CSE1L: variants seen among roughly 807,000 people sequenced by gnomAD.
The protein encoded by CSE1L is chromosome segregation 1 like, also known as exportin-2.
In CSE1L, 24 loss-of-function variants were observed where a neutral mutation model predicts 120.4. The observed-to-expected ratio is 0.20, with a 90% CI of 0.14 to 0.28. CSE1L has a LOEUF of 0.28. Ranked by LOEUF, CSE1L falls within the 10% of genes least tolerant of loss-of-function variation. The probability of loss-of-function intolerance (pLI) is 1.00; values close to 1 mark genes in which losing one functional copy is unlikely to be tolerated. For missense variants in CSE1L, 830 were observed against 1,145.2 expected, an observed-to-expected ratio of 0.72 and a Z score of 3.97; for synonymous variants, 402 against 398.3, an observed-to-expected ratio of 1.01 and a Z score of -0.11.
chr20:49,065,313 A>ATT (rs376073464), intron 3 of CSE1L, among the ~76,000 whole-genome samples: 539 of 52,090 alleles, frequency 0.01, 56 homozygotes, highest in African/African-American at 0.012. Context: ...TGAAAAAAAA[A>ATT]TTTTTTTTTT....
chr20:49,059,631 G>A (rs1297275440), intron 2 of CSE1L, among the ~76,000 whole-genome samples: 1 of 152,130 alleles, frequency 6.6e-6, no homozygotes, highest in Non-Finnish European at 1.5e-5. Flanking sequence ...TGTAATCCCA[G>A]CACTTTGGGA....
At chr20:49,061,489 A>ATTT (rs747121923) in intron 2 of CSE1L, among the ~76,000 whole-genome samples, 1 of 76,698 alleles carries the variant, frequency 1.3e-5, no homozygotes, top group African/African-American at 7.7e-5. Flanking sequence ...TATTATTATT[A>ATTT]TTTATTTATT....
Position 49,089,608 on chromosome 20 carries a change from C to G in CSE1L, c.2043C>G (p.Ser681=). 6.2e-7 allele frequency: 1 copy of G among 1,614,102 alleles called. No individual in the cohort carries two copies. The highest frequency in any genetic ancestry group is 1.1e-5 in the South Asian group (1 of 91,076). Residue 681 remains serine, a synonymous_variant, in exon 19 of 25, where the codon TCC becomes TCG. Transcript: ENST00000262982. The part of the protein sequence containing the change: ...LETHKNDIPS[S]YMALFPHLLQ... ...CACACAAAAATGACATCCCGTCTTCCTATATGGCCTTATTTCCTCATCTCC... is the reference window on the plus strand; with the variant it reads ...CACACAAAAATGACATCCCGTCTTCGTATATGGCCTTATTTCCTCATCTCC...
Position 49,078,630 on chromosome 20 carries a change from G to T in CSE1L, c.1482+8G>T, listed in dbSNP as rs563810444. 6.5e-6 allele frequency: 10 copies of T among 1,539,696 alleles called. No homozygotes were observed. In the African/African-American group the frequency reaches 1.4e-4, roughly 21 times the overall value. ...ATGATTTTTAGAAATCAAGTAAGTA[G>T]CTTTTTATTTGTTACACGCCACTTA... On this transcript the variant is annotated splice_region_variant and intron_variant, in intron 14 of 24. Coordinates refer to ENST00000262982, the MANE Select transcript of CSE1L (RefSeq NM_001316.4).
intron 15 of CSE1L, among the ~76,000 whole-genome samples, chr20:49,084,582 T>C (rs1451416689): frequency 1.3e-5 from 2 of 152,176 alleles, no homozygotes; most frequent in African/African-American, 4.8e-5. Context: ...GCAACAATCA[T>C]GTAACAGTTA....
chr20:49,090,132 AAAT>A (rs538671130), intron 19 of CSE1L, among the ~76,000 whole-genome samples: 10 of 152,046 alleles, frequency 6.6e-5, no homozygotes, highest in Admixed American at 2.0e-4. Flanking sequence ...CTCTTAAAAA[AAAT>A]AATAATAATA....
rs559014719 is a variant in CSE1L, at chr20:49,078,394, T to C, written c.1421-167T>C. 5.3e-5 allele frequency among the ~76,000 whole-genome samples: 8 copies of C among 152,312 alleles called. 1 individual carries two copies. The highest frequency in any genetic ancestry group is 1.9e-4 in the African/African-American group (8 of 41,572). ...ACAGGCATGGGGAAAAATAAAATCA[T>C]TTATAATCCTACCAAAATTAATGAC... On this transcript the variant is annotated intron_variant, in intron 13 of 24. Transcript: ENST00000262982.
At chr20:49,092,601 A>G (rs955252337) in intron 22 of CSE1L, among the ~76,000 whole-genome samples, 1 of 151,336 alleles carries the variant, frequency 6.6e-6, no homozygotes, top group East Asian at 2.0e-4. Flanking sequence ...GAATTGAACA[A>G]TGAGAACACT....
intron 3 of CSE1L, among the ~76,000 whole-genome samples, chr20:49,065,312 A>ATTTTTTTTTTTTTTTTTTTTTT (rs1568769017): frequency 1.1e-4 from 9 of 79,416 alleles, no homozygotes; most frequent in Non-Finnish European, 1.7e-4. Flanking sequence ...ATGAAAAAAA[A>ATTTTTTTTTTTTTTTTTTTTTT]ATTTTTTTTT....
intron 24 of CSE1L, among the ~76,000 whole-genome samples, chr20:49,095,318 A>T (rs528557421): frequency 6.6e-6 from 1 of 151,576 alleles, no homozygotes; most frequent in Non-Finnish European, 1.5e-5. Flanking sequence ...GCATTTTTTT[A>T]TTTTTATTTT....
Position 49,070,289 on chromosome 20 carries a change from C to G in CSE1L, c.760C>G (p.Gln254Glu). Reference protein sequence around the residue: ...TLLTLDNKLLQTDDEEEAGLL... With the variant: ...TLLTLDNKLLETDDEEEAGLL... ...CTTAACATTGGATAATAAGCTTTTA[C>G]AAACTGATGTAAGTATTTAAAATGT... The change falls in exon 8 of 25, where the codon CAA (glutamine) becomes GAA (glutamate). Residue 254 changes from glutamine (Q) to glutamate (E), a missense_variant. This residue lies in a region of CSE1L where 543 missense variants were observed against 640.2 expected (regional missense o/e 0.85). Coordinates refer to ENST00000262982, the MANE Select transcript of CSE1L (RefSeq NM_001316.4). 1 of 1,352,252 alleles carries G rather than the reference C, an allele frequency of 7.4e-7. No homozygotes were observed. Among genetic ancestry groups the G allele is most frequent in the Admixed American group, 2.0e-5 (1 of 49,426 alleles). The allele number at this position is 1,352,252 out of a possible 1,614,324, so 83.8% of individuals were successfully genotyped here.
chr20:49,057,726 G>A (rs2091819981), intron 1 of CSE1L, among the ~76,000 whole-genome samples: 2 of 152,034 alleles, frequency 1.3e-5, no homozygotes, highest in South Asian at 2.1e-4. Context: ...TTGCCTCCCG[G>A]GTTCAAGCGA....
At chr20:49,080,771 C>T (rs976729268) in intron 14 of CSE1L, among the ~76,000 whole-genome samples, 13 of 152,080 alleles carry the variant, frequency 8.5e-5, no homozygotes, top group African/African-American at 1.7e-4. Context: ...CCACCGCGCC[C>T]GGCCTTATTC....
chr20:49,089,280 T>C lies in CSE1L; in HGVS notation c.1855T>C (p.Phe619Leu). ...CAAACCTCACTTTAATCACTACATG[T>C]TTGAAGCAATATGTTTATCCATAAG... is the stretch of plus-strand genomic sequence containing the variant. The part of the protein sequence containing the change: ...PSKPHFNHYM[F>L]EAICLSIRIT... The change falls in exon 18 of 25, where the codon TTT becomes CTT. Residue 619 changes from phenylalanine to leucine, a missense_variant. Physicochemically the swap from Phe to Leu is conservative, Grantham distance 22. This residue lies in a region of CSE1L where 168 missense variants were observed against 267.9 expected (regional missense o/e 0.63). Transcript: ENST00000262982. The C allele has an allele frequency of 1.2e-6, 2 of 1,605,512 alleles. No individual in the cohort carries two copies. Among genetic ancestry groups the C allele is most frequent in the Non-Finnish European group, 1.7e-6 (2 of 1,177,918 alleles).
intron 1 of CSE1L, among the ~76,000 whole-genome samples, chr20:49,047,394 TC>T (rs751161068): frequency 1.3e-5 from 2 of 151,946 alleles, no homozygotes; most frequent in Non-Finnish European, 2.9e-5. Context: ...TTCTGTTTCT[TC>T]CATATTCCAG....
At chr20:49,077,325 A>G (rs2091977234) in intron 13 of CSE1L, among the ~76,000 whole-genome samples, 1 of 151,766 alleles carries the variant, frequency 6.6e-6, no homozygotes, top group Non-Finnish European at 1.5e-5. Flanking sequence ...ATGCCCGGCT[A>G]ATTTTTGTAT....
chr20:49,074,280 C>A (rs1251611619), intron 10 of CSE1L, among the ~76,000 whole-genome samples: 12 of 147,940 alleles, frequency 8.1e-5, no homozygotes, highest in African/African-American at 3.0e-4. Context: ...CTGTGTTGAC[C>A]AGGCTGGTCT....
At chr20:49,085,921 T>C (rs1031428722) in intron 16 of CSE1L, among the ~76,000 whole-genome samples, 1 of 152,108 alleles carries the variant, frequency 6.6e-6, no homozygotes, top group Non-Finnish European at 1.5e-5. Flanking sequence ...AGCAAAGCCC[T>C]TTTTTCCTTC....
In CSE1L at chr20:49,066,538, A is replaced by G. The variant is rs746679382; in HGVS notation, c.476+28A>G. On this transcript the variant is annotated intron_variant, in intron 5 of 24. Coordinates refer to ENST00000262982, the MANE Select transcript of CSE1L (RefSeq NM_001316.4). ...ATTGATGCATAGATTCATGTTTTTA[A>G]AATACTTTCTAAAGTTTTATTTGCT... 80 of 1,571,544 alleles carry G rather than the reference A, an allele frequency of 5.1e-5. No homozygotes were observed. The South Asian group carries it at 8.8e-4, about 17-fold the overall frequency.
Sources: allele counts gnomAD v4.1 joint callset (sites outside exome capture counted in the v4.1 genomes callset), GRCh38; gene constraint gnomAD v4.1.1; regional missense constraint gnomAD v4.1.1; transcripts MANE v1.5; gene names NCBI Gene and HGNC (gene_info 2026-07-23, HGNC 2026-07-21).